TPRG1: variants seen among roughly 807,000 people sequenced by gnomAD.
TPRG1 encodes tumor protein p63-regulated gene 1 protein.
TPRG1 carries 29 observed loss-of-function variants against 29.3 expected under a neutral mutation model. That is an observed-to-expected ratio of 0.99 (90% CI 0.74 to 1.35). The LOEUF is 1.35. Ranked by LOEUF, TPRG1 falls within the 40% of genes most tolerant of loss-of-function variation. The probability of loss-of-function intolerance (pLI) is 0.00; values close to 1 mark genes in which losing one functional copy is unlikely to be tolerated. For synonymous variants in TPRG1, 130 were observed against 116.8 expected (o/e 1.11, Z -0.73); for missense variants, 327 against 335.0 (o/e 0.98, Z 0.19).
intron 1 of TPRG1, among the ~76,000 whole-genome samples, chr3:189,104,131 A>G (rs192913688): frequency 1.3e-5 from 2 of 152,294 alleles, no homozygotes; most frequent in Admixed American, 6.5e-5. Context: ...AGGTGTCCCC[A>G]TGGTAGCTCC....
intron 4 of TPRG1, among the ~76,000 whole-genome samples, chr3:189,085,342 A>C (rs1717859151): frequency 6.6e-6 from 1 of 152,214 alleles, no homozygotes; most frequent in South Asian, 2.1e-4. Context: ...TTTGCAAGAC[A>C]TGCAATTCAT....
At chr3:189,034,151 G>A (rs1198280502) in intron 4 of TPRG1, among the ~76,000 whole-genome samples, 2 of 151,614 alleles carry the variant, frequency 1.3e-5, no homozygotes, top group Non-Finnish European at 2.9e-5. Context: ...AAAGTTGAGA[G>A]GAAAAAAGGG....
chr3:189,287,218 T>C (rs2109175854), intron 4 of TPRG1, among the ~76,000 whole-genome samples: 1 of 152,200 alleles, frequency 6.6e-6, no homozygotes, highest in Admixed American at 6.5e-5. Flanking sequence ...CCAGTGACGC[T>C]TTGCCTTTTA....
chr3:189,117,541 G>A (rs1721322664), intron 1 of TPRG1, among the ~76,000 whole-genome samples: 1 of 152,186 alleles, frequency 6.6e-6, no homozygotes. Context: ...CAGTGACATG[G>A]TTTTGCTGTG....
At position 189,207,574 on chromosome 3, in the gene TPRG1, C is replaced by T. The variant is rs762260049; in HGVS notation, c.190C>T (p.Arg64Trp). The change falls in exon 2 of 6, where the codon CGG becomes TGG. Residue 64 changes from arginine (R) to tryptophan (W), a missense_variant. Transcript: ENST00000345063. ...PNPYHQPYIS[R>W]KYFATRPGAI... ...TCCTTATCATCAGCCTTATATCTCA[C>T]GGAAGTACTTTGCTACACGGGTAAA... The T allele has an allele frequency of 3.7e-5, 60 of 1,611,886 alleles. No homozygotes were observed. Among genetic ancestry groups the T allele is most frequent in the South Asian group, 2.9e-4 (26 of 91,080 alleles).
chr3:189,060,421 T>C (rs1252324085), intron 4 of TPRG1, among the ~76,000 whole-genome samples: 1 of 152,058 alleles, frequency 6.6e-6, no homozygotes, highest in Non-Finnish European at 1.5e-5. Context: ...CTTTTCAACA[T>C]AGTATTGGAA....
At chr3:189,033,316 C>T (rs149419499) in intron 4 of TPRG1, among the ~76,000 whole-genome samples, 147 of 151,394 alleles carry the variant, frequency 9.7e-4, no homozygotes, top group African/African-American at 3.3e-3. Flanking sequence ...GGATCTCACA[C>T]GTTCACCCAT....
intron 4 of TPRG1, among the ~76,000 whole-genome samples, chr3:189,299,057 T>G (rs113634840): frequency 0.11 from 13,597 of 121,926 alleles, 920 homozygotes; most frequent in African/African-American, 0.28. Flanking sequence ...GAAAAATGGG[T>G]TTTTTTTTTT....
intron 3 of TPRG1, among the ~76,000 whole-genome samples, chr3:189,230,127 T>C (rs1738402310): frequency 6.6e-6 from 1 of 152,190 alleles, no homozygotes; most frequent in Non-Finnish European, 1.5e-5. Context: ...GTACTTGAGC[T>C]ATTCAGTGGT....
At chr3:189,168,018 G>A (rs998711245), upstream of TPRG1, among the ~76,000 whole-genome samples, 1 of 152,154 alleles carries the variant, frequency 6.6e-6, no homozygotes, top group East Asian at 1.9e-4. Flanking sequence ...GAACCTGTGC[G>A]ACAATGAAAT....
At chr3:189,252,407 G>C (rs1452364915) in intron 4 of TPRG1, among the ~76,000 whole-genome samples, 1 of 152,002 alleles carries the variant, frequency 6.6e-6, no homozygotes, top group African/African-American at 2.4e-5. Context: ...CATTCTCCAG[G>C]GTAACTAGTA....
chr3:189,103,213 C>G (rs1719411989), intron 1 of TPRG1, among the ~76,000 whole-genome samples: 1 of 152,150 alleles, frequency 6.6e-6, no homozygotes, highest in Admixed American at 6.6e-5. Context: ...AGAAGCATGC[C>G]CATTCAGTGT....
At position 189,321,815 on chromosome 3, in the gene TPRG1, G is replaced by A. The variant is rs1207550146; in HGVS notation, c.*995G>A. ...TAAAAGTAGGTTCAATGCGGTTGGA[G>A]TGAAGATGAGAATGCCACAGGCATC... On this transcript the variant is annotated 3_prime_UTR_variant, in exon 6 of 6. Transcript: ENST00000345063. The A allele has an allele frequency of 6.6e-5, 10 of 152,262 alleles. No individual in the cohort carries two copies. In the South Asian group the frequency reaches 2.1e-3, roughly 32 times the overall value. 9.4% of individuals were successfully genotyped at this position (152,262 alleles called of 1,614,324 possible).
chr3:189,078,953 TGAGG>T (rs1164627108), intron 4 of TPRG1, among the ~76,000 whole-genome samples: 19 of 152,164 alleles, frequency 1.2e-4, no homozygotes, highest in African/African-American at 4.6e-4. Context: ...ACATTGCTAT[TGAGG>T]GAATACTTTA....
chr3:189,028,376 A>G (rs1713766665), intron 4 of TPRG1, among the ~76,000 whole-genome samples: 1 of 152,228 alleles, frequency 6.6e-6, no homozygotes, highest in African/African-American at 2.4e-5. Context: ...ACTGAAGATG[A>G]CCAATAGTGT....
chr3:189,299,612 A>G (rs956557567), intron 4 of TPRG1, among the ~76,000 whole-genome samples: 1 of 149,854 alleles, frequency 6.7e-6, no homozygotes, highest in African/African-American at 2.5e-5. Flanking sequence ...TTTTTGTTTT[A>G]TTTTGAGTTG....
intron 3 of TPRG1, among the ~76,000 whole-genome samples, chr3:189,022,564 C>T (rs552980948): frequency 6.6e-6 from 1 of 151,768 alleles, no homozygotes; most frequent in African/African-American, 2.4e-5. Flanking sequence ...GGTCAGGGAC[C>T]CACTTGAGGA....
rs1721748679 is a variant in TPRG1 at position 189,307,096 on chromosome 3, C to A, written c.480-3290C>A. On this transcript the variant is annotated intron_variant, in intron 4 of 5. Transcript: ENST00000345063. ...GAAGTGCAGTGGCATGATCTTGGCT[C>A]ACTGCTACCACTGCCTCCTGGGTTC... Among the ~76,000 whole-genome samples the A allele has an allele frequency of 1.3e-5, 2 of 152,172 alleles. 1 individual carries two copies. Among genetic ancestry groups the A allele is most frequent in the South Asian group, 4.1e-4 (2 of 4,832 alleles).
At chr3:189,153,494 T>C (rs1156465530) in intron 5 of TPRG1, among the ~76,000 whole-genome samples, 2 of 152,080 alleles carry the variant, frequency 1.3e-5, no homozygotes, top group African/African-American at 4.8e-5. Context: ...GCAAGGTATC[T>C]TGGATTTGTG....
Sources: gnomAD v4.1 joint callset for allele counts (sites outside exome capture counted in the v4.1 genomes callset) on GRCh38, gnomAD v4.1.1 for gene constraint, MANE v1.5 for transcripts, NCBI Gene and HGNC (gene_info 2026-07-23, HGNC 2026-07-21) for gene names.